Variants in RPS6KA5 observed in about 807,000 individuals in gnomAD.
The protein encoded by RPS6KA5 is ribosomal protein S6 kinase alpha-5.
In RPS6KA5, 27 loss-of-function variants were observed where a neutral mutation model predicts 85.5. The ratio of observed to expected loss-of-function variants is 0.32; its 90% confidence interval spans 0.23 to 0.44. The LOEUF is 0.44. Among genes scored for constraint, RPS6KA5 ranks in the 20% least tolerant of loss-of-function variants. RPS6KA5 has a pLI of 1.00. For missense variants in RPS6KA5, 811 were observed against 980.9 expected, an observed-to-expected ratio of 0.83 and a Z score of 2.31; for synonymous variants, 334 against 348.2, an observed-to-expected ratio of 0.96 and a Z score of 0.46.
intron 1 of RPS6KA5, among the ~76,000 whole-genome samples, chr14:91,013,110 A>G (rs929330286): frequency 2.0e-5 from 3 of 152,108 alleles, no homozygotes; most frequent in African/African-American, 7.2e-5. Flanking sequence ...CTCCCTTCAT[A>G]TAAGGAATTC....
intron 2 of RPS6KA5, among the ~76,000 whole-genome samples, chr14:90,980,040 T>C (rs1286077): frequency 0.21 from 31,659 of 152,214 alleles, 3,511 homozygotes; most frequent in East Asian, 0.32. Context: ...CAAAGGTTTG[T>C]GTATTAGCTC....
At chr14:90,989,488 T>C (rs1160446955) in intron 2 of RPS6KA5, among the ~76,000 whole-genome samples, 1 of 152,184 alleles carries the variant, frequency 6.6e-6, no homozygotes, top group South Asian at 2.1e-4. Context: ...TGACCATTTA[T>C]GATAAAAAAA....
Position 90,902,864 on chromosome 14 carries a change from T to C in RPS6KA5, c.1063A>G (p.Met355Val), listed in dbSNP as rs762231001. Residue 355 changes from methionine (M) to valine (V), a missense_variant, in exon 9 of 17, where the codon ATG becomes GTG. Met to Val is a conservative substitution (Grantham distance 21). Transcript: ENST00000614987. ...GCTGCGGGAGAATAAGTGGGATCCA[T>C]TTCTGTGAACTCTTCTGCAAAGTTA... Reference protein sequence around the residue: ...VSNFAEEFTEMDPTYSPAALP... With the variant: ...VSNFAEEFTEVDPTYSPAALP... The C allele has an allele frequency of 6.2e-7, 1 of 1,614,100 alleles. No individual in the cohort carries two copies. Among genetic ancestry groups the C allele is most frequent in the Non-Finnish European group, 8.5e-7 (1 of 1,179,990 alleles).
chr14:91,045,233 T>G (rs1011070696), intron 1 of RPS6KA5, among the ~76,000 whole-genome samples: 6 of 151,710 alleles, frequency 4.0e-5, no homozygotes, highest in Non-Finnish European at 7.4e-5. Context: ...AAACCCCATG[T>G]CAATACAATA....
chr14:90,969,961 C>A (rs190680901), intron 3 of RPS6KA5, among the ~76,000 whole-genome samples: 1 of 151,968 alleles, frequency 6.6e-6, no homozygotes, highest in East Asian at 1.9e-4. Context: ...ACTCCCATAC[C>A]TCCTGTTCTC....
intron 1 of RPS6KA5, among the ~76,000 whole-genome samples, chr14:91,020,614 T>TTTTGTGTGTGTGTG (rs761685247): frequency 3.3e-5 from 3 of 91,268 alleles, no homozygotes; most frequent in African/African-American, 1.3e-4. Context: ...ATATATCCTA[T>TTTTGTGTGTGTGTG]TGTGTGTGTG....
intron 1 of RPS6KA5, among the ~76,000 whole-genome samples, chr14:91,015,546 T>C (rs1003964243): frequency 8.5e-5 from 13 of 152,222 alleles, no homozygotes; most frequent in African/African-American, 2.7e-4. Flanking sequence ...TAAGAAAATA[T>C]AGCAGCACTT....
intron 6 of RPS6KA5, among the ~76,000 whole-genome samples, chr14:90,920,610 G>C (rs2036356341): frequency 1.3e-5 from 2 of 150,336 alleles, no homozygotes; most frequent in South Asian, 4.2e-4. Context: ...TATTTCTTTG[G>C]GCTTATGATA....
In RPS6KA5 at chr14:90,927,945, T is replaced by C. The variant is rs757533741; in HGVS notation, c.619-4749A>G. Among the ~76,000 whole-genome samples, 305 of 150,128 alleles carry C rather than the reference T, an allele frequency of 2.0e-3. 3 individuals carry two copies. Among genetic ancestry groups the C allele is most frequent in the Non-Finnish European group, 3.2e-3 (217 of 67,460 alleles). ...TTTCTTTCTTTTCTTTTCTTTTTTT[T>C]TTTTTTTTGAGACAAGGTCTCATTC... is the stretch of plus-strand genomic sequence containing the variant. On this transcript the variant is annotated intron_variant, in intron 5 of 16. Coordinates refer to ENST00000614987, the MANE Select transcript of RPS6KA5 (RefSeq NM_004755.4).
intron 2 of RPS6KA5, among the ~76,000 whole-genome samples, chr14:90,982,740 A>T (rs1002165827): frequency 2.6e-5 from 4 of 152,216 alleles, no homozygotes; most frequent in African/African-American, 9.6e-5. Flanking sequence ...GCACTTTGGG[A>T]GGCCGGAGCG....
chr14:90,976,354 G>A (rs1348785081), intron 3 of RPS6KA5, among the ~76,000 whole-genome samples: 1 of 152,100 alleles, frequency 6.6e-6, no homozygotes, highest in African/African-American at 2.4e-5. Context: ...ATTGTCAAGG[G>A]AGAAACTTGA....
At position 90,890,631 on chromosome 14, in the gene RPS6KA5, A is replaced by C. The variant is rs2034497868; in HGVS notation, c.1692T>G (p.Ile564Met). The change falls in exon 14 of 17, where the codon ATT (isoleucine) becomes ATG (methionine). Residue 564 changes from isoleucine to methionine, a missense_variant. Ile to Met is a conservative substitution (Grantham distance 10). Around this residue, in one of 3 missense-constraint regions of RPS6KA5, gnomAD observed 650 missense variants for 793.4 expected, o/e 0.82. Transcript: ENST00000614987. ...DENDNLEIKI[I>M]DFGFARLKPP... ...GCTTTAGCCGTGCAAATCCAAAATCAATTATTTTAATTTCCAAATTGTCAT... is the reference window on the plus strand; with the variant it reads ...GCTTTAGCCGTGCAAATCCAAAATCCATTATTTTAATTTCCAAATTGTCAT... 6.2e-7 allele frequency: 1 copy of C among 1,613,980 alleles called. No individual in the cohort carries two copies. The highest frequency in any genetic ancestry group is 1.1e-5 in the South Asian group (1 of 91,082).
intron 5 of RPS6KA5, among the ~76,000 whole-genome samples, chr14:90,929,429 T>C (rs955714132): frequency 1.2e-4 from 19 of 152,162 alleles, no homozygotes; most frequent in Admixed American, 1.2e-3. Context: ...AAGAATTCAA[T>C]GTTTTATGTA....
At chr14:91,043,612 T>G (rs1215195202) in intron 1 of RPS6KA5, among the ~76,000 whole-genome samples, 1 of 152,076 alleles carries the variant, frequency 6.6e-6, no homozygotes, top group Non-Finnish European at 1.5e-5. Context: ...AATGAGTTGA[T>G]GAAAGCACCT....
intron 1 of RPS6KA5, among the ~76,000 whole-genome samples, chr14:91,001,616 C>T (rs557554974): frequency 3.3e-5 from 5 of 152,140 alleles, no homozygotes; most frequent in African/African-American, 9.6e-5. Context: ...TACCTGGACA[C>T]GATATAGTAT....
At position 91,060,456 on chromosome 14, in the gene RPS6KA5, C is replaced by A; in HGVS notation, c.-22G>T. On this transcript the variant is annotated 5_prime_UTR_variant, in exon 1 of 17. Coordinates refer to ENST00000614987, the MANE Select transcript of RPS6KA5 (RefSeq NM_004755.4). The stretch of plus-strand genomic sequence containing the variant: ...CCATCTTCTCCTTTTTTTCCGATCC[C>A]GCGGGTCGCTACGAGGGGAACCCAG... 1 of 1,429,770 alleles carries A rather than the reference C, an allele frequency of 7.0e-7. No individual in the cohort carries two copies. The highest frequency in any genetic ancestry group is 2.3e-5 in the Admixed American group (1 of 42,714). The allele number at this position is 1,429,770 out of a possible 1,614,324, so 88.6% of individuals were successfully genotyped here.
At chr14:91,037,656 C>T (rs1278401183) in intron 1 of RPS6KA5, among the ~76,000 whole-genome samples, 2 of 148,006 alleles carry the variant, frequency 1.4e-5, no homozygotes, top group African/African-American at 5.0e-5. Context: ...TATACTCTGC[C>T]AAAGAAGTTC....
At position 90,853,769 on chromosome 14, in the gene RPS6KA5, C is replaced by T. The variant is rs2032137516; in HGVS notation, c.*18305G>A. The T allele has an allele frequency of 1.3e-5, 2 of 151,816 alleles. No homozygotes were observed. Among genetic ancestry groups the T allele is most frequent in the African/African-American group, 4.8e-5 (2 of 41,348 alleles). 9.4% of individuals were successfully genotyped at this position (151,816 alleles called of 1,614,324 possible). A position where few individuals can be genotyped will look rare whatever the true frequency, so the allele number is the denominator to read the frequency against. ...AAGCTAAATTAAAATAATCCTGGAG[C>T]TCTGGAATGTTATTCCCTCTTAAAG... On this transcript the variant is annotated 3_prime_UTR_variant, in exon 17 of 17. Transcript: ENST00000614987.
At chr14:90,983,783 TTCTTTCTCTCTC>T (rs1335110825) in intron 2 of RPS6KA5, among the ~76,000 whole-genome samples, 1 of 132,030 alleles carries the variant, frequency 7.6e-6, no homozygotes, top group African/African-American at 2.9e-5. Context: ...CTTTCTTTCT[TTCTTTCTCTCTC>T]TCTCTCTCTC....
Sources: gnomAD v4.1 joint callset for allele counts (sites outside exome capture counted in the v4.1 genomes callset) on GRCh38, gnomAD v4.1.1 for gene constraint, gnomAD v4.1.1 regional missense constraint, MANE v1.5 for transcripts, NCBI Gene and HGNC (gene_info 2026-07-23, HGNC 2026-07-21) for gene names.